GRID2: variants seen among roughly 807,000 people sequenced by gnomAD.
The protein encoded by GRID2 is glutamate receptor ionotropic, delta-2.
Under a neutral mutation model 114.8 loss-of-function variants are expected in GRID2, and 33 were observed. That is an observed-to-expected ratio of 0.29 (90% confidence interval 0.22 to 0.38). The LOEUF is 0.38. Ranked by LOEUF, GRID2 falls within the 10% of genes least tolerant of loss-of-function variation. The pLI, the probability that GRID2 is intolerant of heterozygous loss-of-function variation, is 1.00. For missense variants in GRID2, 1,184 were observed against 1,257.7 expected, an observed-to-expected ratio of 0.94 and a Z score of 0.89; for synonymous variants, 505 against 449.9, an observed-to-expected ratio of 1.12 and a Z score of -1.55.
intron 2 of GRID2, among the ~76,000 whole-genome samples, chr4:92,870,997 T>C (rs919366776): frequency 2.6e-5 from 4 of 152,120 alleles, no homozygotes; most frequent in Non-Finnish European, 5.9e-5. Flanking sequence ...CTTCTAAACA[T>C]TTTTTTCATT....
chr4:92,804,660 T>C (rs918929749), intron 2 of GRID2, among the ~76,000 whole-genome samples: 1 of 152,056 alleles, frequency 6.6e-6, no homozygotes, highest in African/African-American at 2.4e-5. Context: ...ATTCTCTAGA[T>C]ATAAATGAGA....
intron 2 of GRID2, among the ~76,000 whole-genome samples, chr4:92,676,841 A>G (rs1223060309): frequency 6.6e-6 from 1 of 152,178 alleles, no homozygotes; most frequent in African/African-American, 2.4e-5. Flanking sequence ...GAGCAGCACT[A>G]TTCTCAATAA....
chr4:92,598,937 G>A (rs766293588), intron 2 of GRID2, among the ~76,000 whole-genome samples: 8 of 151,260 alleles, frequency 5.3e-5, no homozygotes, highest in Admixed American at 1.3e-4. Context: ...TATTACCTGC[G>A]TAGTCAGCGA....
At chr4:93,400,275 T>C (rs1560581388) in intron 9 of GRID2, among the ~76,000 whole-genome samples, 3 of 152,126 alleles carry the variant, frequency 2.0e-5, no homozygotes, top group Non-Finnish European at 4.4e-5. Flanking sequence ...TAGATTTCTT[T>C]GTATTCAACC....
At chr4:92,676,074 A>G (rs572454455) in intron 2 of GRID2, among the ~76,000 whole-genome samples, 1 of 151,500 alleles carries the variant, frequency 6.6e-6, no homozygotes, top group South Asian at 2.1e-4. Context: ...TGTCATAAAT[A>G]TAACTAGCAC....
chr4:93,503,451 G>A (rs752358931), intron 12 of GRID2, among the ~76,000 whole-genome samples: 1 of 151,702 alleles, frequency 6.6e-6, no homozygotes, highest in South Asian at 2.1e-4. Context: ...CATTAGGTAT[G>A]TCACCTAATG....
intron 4 of GRID2, among the ~76,000 whole-genome samples, chr4:93,120,500 A>G (rs574153035): frequency 5.3e-5 from 8 of 152,274 alleles, no homozygotes; most frequent in Admixed American, 3.3e-4. Flanking sequence ...CAGGAACAGA[A>G]AACCAAATAC....
chr4:92,781,026 T>C (rs967067048), intron 2 of GRID2, among the ~76,000 whole-genome samples: 2 of 152,092 alleles, frequency 1.3e-5, no homozygotes, highest in Non-Finnish European at 1.5e-5. Context: ...GCAGGTGGAC[T>C]GTGAGGTCAG....
intron 14 of GRID2, among the ~76,000 whole-genome samples, chr4:93,738,605 G>T (rs1172698474): frequency 6.6e-6 from 1 of 151,990 alleles, no homozygotes; most frequent in Non-Finnish European, 1.5e-5. Flanking sequence ...ATGACTTTGG[G>T]GCTCTAAATT....
Position 92,801,743 on chromosome 4 carries a change from A to G in GRID2, c.244+211457A>G, listed in dbSNP as rs80131148. Among the ~76,000 whole-genome samples, 1,315 of 151,838 alleles carry G rather than the reference A, an allele frequency of 8.7e-3. 17 individuals are homozygous for G. Among genetic ancestry groups the G allele is most frequent in the African/African-American group, 0.031 (1,268 of 41,542 alleles). On this transcript the variant is annotated intron_variant, in intron 2 of 15. Coordinates refer to ENST00000282020, the MANE Select transcript of GRID2 (RefSeq NM_001510.4). Reference sequence around the variant, plus strand: ...CATATAGGCTAACACAAACAGTGCAATGCTTAAATAGATGCCAAGTACTTT... The same window carrying G: ...CATATAGGCTAACACAAACAGTGCAGTGCTTAAATAGATGCCAAGTACTTT...
chr4:92,336,954 G>GTTTT (rs59093874), intron 1 of GRID2, among the ~76,000 whole-genome samples: 3,453 of 75,674 alleles, frequency 0.046, 71 homozygotes, highest in Non-Finnish European at 0.06. Context: ...TTTCGTTGTT[G>GTTTT]TTTTTTTTTT....
At chr4:92,776,142 T>C (rs1011670029) in intron 2 of GRID2, among the ~76,000 whole-genome samples, 3 of 152,156 alleles carry the variant, frequency 2.0e-5, no homozygotes, top group African/African-American at 7.2e-5. Context: ...GTGTTAATCT[T>C]TCATCGCTAT....
rs151309643 is a variant in GRID2, at chr4:92,682,716, T to A, written c.244+92430T>A. 2.2e-3 allele frequency among the ~76,000 whole-genome samples: 267 copies of A among 119,432 alleles called. 2 individuals are homozygous for A. The East Asian group carries it at 0.053, about 24-fold the overall frequency. 78.4% of individuals were successfully genotyped at this position (119,432 alleles called of 152,430 possible). A position where few individuals can be genotyped will look rare whatever the true frequency, so the allele number is the denominator to read the frequency against. On this transcript the variant is annotated intron_variant, in intron 2 of 15. Transcript: ENST00000282020. ...CACACACACACACACACACACACAC[T>A]CTTCACCTTGGGGAGGAAACATAAA...
At chr4:93,510,779 C>G (rs1729087774) in intron 12 of GRID2, among the ~76,000 whole-genome samples, 1 of 152,136 alleles carries the variant, frequency 6.6e-6, no homozygotes, top group Admixed American at 6.5e-5. Flanking sequence ...GAATCATCAA[C>G]ATCATAATCT....
intron 12 of GRID2, among the ~76,000 whole-genome samples, chr4:93,491,447 C>T (rs1375897147): frequency 1.3e-5 from 2 of 151,788 alleles, no homozygotes; most frequent in Non-Finnish European, 2.9e-5. Context: ...TCCGTAAGCC[C>T]GTGGAGCCCA....
intron 2 of GRID2, among the ~76,000 whole-genome samples, chr4:92,881,830 ATCCT>A: frequency 6.6e-6 from 1 of 152,226 alleles, no homozygotes; most frequent in African/African-American, 2.4e-5. Context: ...TTGATGTGAT[ATCCT>A]AATAGGTGTA....
At chr4:93,044,006 G>A (rs1170606121) in intron 2 of GRID2, among the ~76,000 whole-genome samples, 1 of 151,872 alleles carries the variant, frequency 6.6e-6, no homozygotes, top group Non-Finnish European at 1.5e-5. Context: ...ACATGAAAAA[G>A]TAATGAAGAA....
intron 4 of GRID2, among the ~76,000 whole-genome samples, chr4:93,171,059 T>C (rs912520344): frequency 2.0e-5 from 3 of 152,162 alleles, no homozygotes; most frequent in Non-Finnish European, 4.4e-5. Context: ...GAATCATCTT[T>C]TAAAAATTTA....
chr4:92,320,536 G>A (rs1279268499), intron 1 of GRID2, among the ~76,000 whole-genome samples: 3 of 151,732 alleles, frequency 2.0e-5, no homozygotes, highest in South Asian at 2.1e-4. Flanking sequence ...GTGTAGTGTC[G>A]TGATCTCTGC....
Sources: allele counts gnomAD v4.1 joint callset (sites outside exome capture counted in the v4.1 genomes callset), GRCh38; gene constraint gnomAD v4.1.1; transcripts MANE v1.5; gene names NCBI Gene and HGNC (gene_info 2026-07-23, HGNC 2026-07-21).